OCA2: variants seen among roughly 807,000 people sequenced by gnomAD.
OCA2 encodes the protein P protein.
OCA2 carries 77 observed loss-of-function variants against 100.2 expected under a neutral mutation model. The observed-to-expected ratio is 0.77, with a 90% confidence interval of 0.64 to 0.93. The LOEUF (loss-of-function observed/expected upper bound fraction) is 0.93, where lower values mean the gene tolerates loss of function less well. OCA2 is among the 40% of genes least tolerant of loss of function. The pLI, the probability that OCA2 is intolerant of heterozygous loss-of-function variation, is 0.00. For synonymous variants in OCA2, 432 were observed against 439.2 expected, an observed-to-expected ratio of 0.98 and a Z score of 0.21; for missense variants, 1,062 against 1,089.1, an observed-to-expected ratio of 0.98 and a Z score of 0.35.
At chr15:27,735,925 A>G in the OCA2 span, among the ~76,000 whole-genome samples, 12 of 152,202 alleles carry the variant, frequency 7.9e-5, no homozygotes, top group Admixed American at 7.8e-4. Context: ...GATGCTAATG[A>G]GTAACAAGAA....
rs144893062 is a variant in OCA2 at position 28,019,737 on chromosome 15, T to C, written c.647-1180A>G. ...AGCCCTGAGGACATTGCTGTGGGCC[T>C]TTCCAACCAGGCCGAGGCCCCTCCT... On this transcript the variant is annotated intron_variant, in intron 6 of 23. Transcript: ENST00000354638. 3.1e-3 allele frequency among the ~76,000 whole-genome samples: 467 copies of C among 152,150 alleles called. 3 individuals carry two copies. Among genetic ancestry groups the C allele is most frequent in the Non-Finnish European group, 5.7e-3 (386 of 67,994 alleles).
chr15:27,870,932 C>T (rs766687520), intron 21 of OCA2, among the ~76,000 whole-genome samples: 1 of 152,128 alleles, frequency 6.6e-6, no homozygotes, highest in Non-Finnish European at 1.5e-5. Context: ...CACCCCAGGA[C>T]GTGCTGTCCA....
At chr15:28,019,192 G>A (rs1160306647) in intron 6 of OCA2, among the ~76,000 whole-genome samples, 1 of 151,854 alleles carries the variant, frequency 6.6e-6, no homozygotes, top group Admixed American at 6.6e-5. Context: ...GCATCACATG[G>A]GAAAAAGGAG....
At chr15:27,778,822 A>T (rs528794203) in intron 23 of OCA2, among the ~76,000 whole-genome samples, 97 of 152,352 alleles carry the variant, frequency 6.4e-4, no homozygotes, top group Non-Finnish European at 8.5e-4. Flanking sequence ...ACGTTGATAG[A>T]AAGTTATAAA....
At chr15:27,979,097 T>C (rs925315725) in intron 14 of OCA2, among the ~76,000 whole-genome samples, 13 of 152,248 alleles carry the variant, frequency 8.5e-5, no homozygotes, top group Admixed American at 8.5e-4. Flanking sequence ...TGCAAAAGCA[T>C]CTCAACTTTG....
rs923172816 is a variant in OCA2 at position 28,043,714 on chromosome 15, C to A, written c.228-11551G>T. ...GGAAGAAATCAGACCAACATTCACT[C>A]CAGTTAGCTGGAAAGCCCCAAAATT... On this transcript the variant is annotated intron_variant, in intron 2 of 23. Coordinates refer to ENST00000354638, the MANE Select transcript of OCA2 (RefSeq NM_000275.3). This position sits in a 1 kb window ranked among gnomAD's most constrained non-coding sequence, Gnocchi z 4.4. Among the ~76,000 whole-genome samples, 3 of 152,202 alleles carry A rather than the reference C, an allele frequency of 2.0e-5. No homozygotes were observed. The highest frequency in any genetic ancestry group is 4.4e-5 in the Non-Finnish European group (3 of 68,044).
chr15:27,849,529 G>A (rs542852989), intron 22 of OCA2, among the ~76,000 whole-genome samples: 1 of 120,530 alleles, frequency 8.3e-6, no homozygotes, highest in East Asian at 2.7e-4. Context: ...AAATACTGGG[G>A]TCAGACCAGT....
At position 27,824,827 on chromosome 15, in the gene OCA2, C is replaced by T. The variant is rs1431292631; in HGVS notation, c.2432+20132G>A. Reference sequence around the variant, plus strand: ...AGGCCTGTGGAAGGGTGCTGTTCCCCGTCCCTCTGCCGAAGACAGGCCTCC... The same window carrying T: ...AGGCCTGTGGAAGGGTGCTGTTCCCTGTCCCTCTGCCGAAGACAGGCCTCC... On this transcript the variant is annotated intron_variant, in intron 23 of 23. Transcript: ENST00000354638. Among the ~76,000 whole-genome samples the T allele has an allele frequency of 4.0e-5, 6 of 151,616 alleles. 1 individual carries two copies. Among genetic ancestry groups the T allele is most frequent in the East Asian group, 2.0e-4 (1 of 5,058 alleles).
intron 11 of OCA2, among the ~76,000 whole-genome samples, chr15:27,989,161 G>A (rs2041460728): frequency 6.6e-6 from 1 of 152,114 alleles, no homozygotes; most frequent in South Asian, 2.1e-4. Flanking sequence ...GGTGGACTTG[G>A]TGGCATTCCT....
At chr15:27,872,691 A>ATT (rs10572418) in intron 19 of OCA2, among the ~76,000 whole-genome samples, 25 of 142,484 alleles carry the variant, frequency 1.8e-4, no homozygotes, top group Admixed American at 4.2e-4. Context: ...TAATTTTTTA[A>ATT]TTTTTTTTTT....
chr15:28,021,016 G>C (rs2042577664), intron 6 of OCA2, among the ~76,000 whole-genome samples: 1 of 152,202 alleles, frequency 6.6e-6, no homozygotes, highest in Non-Finnish European at 1.5e-5. Context: ...GCAACTGCAA[G>C]GAAAGCAAGC....
In OCA2 at chr15:27,817,160, A is replaced by T. The variant is rs1033388039; in HGVS notation, c.2432+27799T>A. Among the ~76,000 whole-genome samples the T allele has an allele frequency of 2.0e-5, 3 of 151,996 alleles. No homozygotes were observed. In the South Asian group the frequency reaches 6.3e-4, roughly 32 times the overall value. On this transcript the variant is annotated intron_variant, in intron 23 of 23. Coordinates refer to ENST00000354638, the MANE Select transcript of OCA2 (RefSeq NM_000275.3). ...TCTGTATTTTTCGCCTTCTTTATTTATGTAGATGACCAGTCTCCTAGTCTA... is the reference window on the plus strand; with the variant it reads ...TCTGTATTTTTCGCCTTCTTTATTTTTGTAGATGACCAGTCTCCTAGTCTA...
chr15:27,801,059 A>T (rs1385880053), intron 23 of OCA2, among the ~76,000 whole-genome samples: 5 of 152,172 alleles, frequency 3.3e-5, no homozygotes, highest in Non-Finnish European at 1.5e-5. Flanking sequence ...TACCAAACAT[A>T]TAAGGTTGAA....
At chr15:27,883,015 G>A (rs1369878850) in intron 19 of OCA2, among the ~76,000 whole-genome samples, 1 of 152,142 alleles carries the variant, frequency 6.6e-6, no homozygotes, top group Non-Finnish European at 1.5e-5. Flanking sequence ...TCCCCAGATG[G>A]TGTTGTTCTG....
At chr15:27,788,135 G>C (rs1194301990) in intron 23 of OCA2, among the ~76,000 whole-genome samples, 1 of 151,312 alleles carries the variant, frequency 6.6e-6, no homozygotes, top group East Asian at 1.9e-4. Flanking sequence ...CTTGATTTAT[G>C]GCCTAGCTTA....
intron 14 of OCA2, among the ~76,000 whole-genome samples, chr15:27,972,990 C>T (rs1282227302): frequency 3.3e-5 from 5 of 151,856 alleles, no homozygotes; most frequent in South Asian, 4.1e-4. Flanking sequence ...CTCAGCCTCC[C>T]GAGTAGCTGG....
chr15:27,903,062 G>A (rs1172148231), intron 19 of OCA2, among the ~76,000 whole-genome samples: 1 of 152,214 alleles, frequency 6.6e-6, no homozygotes, highest in African/African-American at 2.4e-5. Flanking sequence ...GGGAAGGAGA[G>A]GAGCCCTCTG....
intron 2 of OCA2, among the ~76,000 whole-genome samples, chr15:28,049,733 C>A (rs1595879966): frequency 6.6e-6 from 1 of 152,098 alleles, no homozygotes; most frequent in Admixed American, 6.5e-5. Flanking sequence ...CATGAGTTCA[C>A]GTGTATGAAA....
chr15:28,076,920 T>C (rs1381071556), intron 2 of OCA2, among the ~76,000 whole-genome samples: 2 of 151,634 alleles, frequency 1.3e-5, no homozygotes, highest in Non-Finnish European at 2.9e-5. Flanking sequence ...TGTATTTAAG[T>C]ACATCTGTCA....
Sources: gnomAD v4.1 joint callset for allele counts (sites outside exome capture counted in the v4.1 genomes callset) on GRCh38, gnomAD v4.1.1 for gene constraint, Gnocchi (gnomAD v3.1) non-coding constraint, MANE v1.5 for transcripts, NCBI Gene and HGNC (gene_info 2026-07-23, HGNC 2026-07-21) for gene names.